The following RCAN3 variants were observed in gnomAD, a reference collection of about 807,000 sequenced individuals.
RCAN3 encodes the protein regulator of calcineurin 3, also known as calcipressin-3.
RCAN3 carries 19 observed loss-of-function variants against 21.9 expected under a neutral mutation model. The ratio of observed to expected loss-of-function variants is 0.87; its 90% confidence interval spans 0.61 to 1.27. RCAN3 has a LOEUF of 1.27. Ranked by LOEUF, RCAN3 falls within the 50% of genes most tolerant of loss-of-function variation. The probability of loss-of-function intolerance (pLI) is 0.00; values close to 1 mark genes in which losing one functional copy is unlikely to be tolerated. For synonymous variants in RCAN3, 114 were observed against 112.3 expected, an observed-to-expected ratio of 1.01 and a Z score of -0.09; for missense variants, 240 against 300.1, an observed-to-expected ratio of 0.80 and a Z score of 1.48.
chr1:24,524,997 CAT>C (rs1491268347), intron 2 of RCAN3, among the ~76,000 whole-genome samples: 1 of 151,864 alleles, frequency 6.6e-6, no homozygotes, highest in Non-Finnish European at 1.5e-5. Flanking sequence ...GTGGGCTCCT[CAT>C]TTTTTTTTCA....
chr1:24,515,946 C>T (rs1302988443), intron 2 of RCAN3, among the ~76,000 whole-genome samples: 3 of 152,060 alleles, frequency 2.0e-5, no homozygotes, highest in Non-Finnish European at 4.4e-5. Context: ...AGTTCCAGAC[C>T]AGCCTGACCA....
At chr1:24,507,320 G>A (rs1320076431) in intron 1 of RCAN3, among the ~76,000 whole-genome samples, 1 of 152,134 alleles carries the variant, frequency 6.6e-6, no homozygotes, top group Non-Finnish European at 1.5e-5. Context: ...TTTTCCTCCT[G>A]AAATTCTGTT....
chr1:24,514,842 G>A (rs1023340627), intron 2 of RCAN3, among the ~76,000 whole-genome samples: 5 of 151,824 alleles, frequency 3.3e-5, no homozygotes, highest in African/African-American at 7.3e-5. Context: ...GGTGGTGCGC[G>A]CCTGTAATCC....
chr1:24,535,435 G>T lies in RCAN3; in HGVS notation c.*158G>T. The T allele has an allele frequency of 1.5e-6, 1 of 661,304 alleles. No individual in the cohort carries two copies. The highest frequency in any genetic ancestry group is 2.2e-6 in the Non-Finnish European group (1 of 449,278). 41.0% of individuals were successfully genotyped at this position (661,304 alleles called of 1,614,324 possible). A position where few individuals can be genotyped will look rare whatever the true frequency, so the allele number is the denominator to read the frequency against. On this transcript the variant is annotated 3_prime_UTR_variant, in exon 5 of 5. Coordinates refer to ENST00000374395, the MANE Select transcript of RCAN3 (RefSeq NM_013441.4). ...CCTGTACTGCAGACACGGTCGTGTA[G>T]AGTAGCAGCTGATTTGACCTGTCCC...
rs182311707 is a variant in RCAN3 at position 24,510,097 on chromosome 1, A to G, written c.-59-4217A>G. ...CTTAAAACGTACAGTAAACCATGCT[A>G]TAAACAGATGTGCGGTCATCCAGGC... is the stretch of plus-strand genomic sequence containing the variant. On this transcript the variant is annotated intron_variant, in intron 1 of 4. Coordinates refer to ENST00000374395, the MANE Select transcript of RCAN3 (RefSeq NM_013441.4). Among the ~76,000 whole-genome samples the G allele has an allele frequency of 3.2e-3, 489 of 152,338 alleles. 2 individuals carry two copies. Among genetic ancestry groups the G allele is most frequent in the Non-Finnish European group, 1.9e-3 (131 of 68,032 alleles).
At chr1:24,531,174 T>G (rs143607340) in intron 2 of RCAN3, 44 bp from the exon 3 acceptor site, 3 of 1,352,862 alleles carry the variant, frequency 2.2e-6, no homozygotes, top group Admixed American at 5.1e-5. Context: ...TTTCTTTTTT[T>G]TTTTTCCTCC....
Position 24,505,443 on chromosome 1 carries a change from G to A in RCAN3, c.-60+2293G>A, listed in dbSNP as rs72652588. Among the ~76,000 whole-genome samples the A allele has an allele frequency of 4.2e-3, 640 of 151,674 alleles. 3 individuals carry two copies. The highest frequency in any genetic ancestry group is 0.015 in the South Asian group (74 of 4,796). On this transcript the variant is annotated intron_variant, in intron 1 of 4. Coordinates refer to ENST00000374395, the MANE Select transcript of RCAN3 (RefSeq NM_013441.4). The stretch of plus-strand genomic sequence containing the variant: ...TTTCCATGTTGCCCGGGCTGGTCTC[G>A]AACTCTGGAGCTCTGGCAGCCCGCC...
At chr1:24,510,331 A>G (rs184991152) in intron 1 of RCAN3, among the ~76,000 whole-genome samples, 50 of 152,348 alleles carry the variant, frequency 3.3e-4, no homozygotes, top group African/African-American at 1.0e-3. Context: ...TCTTCTTCCA[A>G]TAGAAGGCTA....
chr1:24,517,521 G>T, intron 2 of RCAN3, among the ~76,000 whole-genome samples: 1 of 152,288 alleles, frequency 6.6e-6, no homozygotes, highest in African/African-American at 2.4e-5. Flanking sequence ...ACCATTTGGG[G>T]ATTATATCTA....
At chr1:24,520,886 A>G (rs1648748708) in intron 2 of RCAN3, among the ~76,000 whole-genome samples, 1 of 152,178 alleles carries the variant, frequency 6.6e-6, no homozygotes, top group Non-Finnish European at 1.5e-5. Flanking sequence ...AGTACTACCT[A>G]AAGTGCTCTA....
intron 2 of RCAN3, among the ~76,000 whole-genome samples, chr1:24,522,287 G>A (rs1372288305): frequency 2.0e-5 from 3 of 152,136 alleles, no homozygotes; most frequent in East Asian, 1.9e-4. Context: ...CTGTGTGCAG[G>A]TGTGACCTCA....
rs1158077089 is a variant in RCAN3 at position 24,536,437 on chromosome 1, T to G, written c.*1160T>G. The G allele has an allele frequency of 6.6e-6, 1 of 152,230 alleles. No individual in the cohort carries two copies. Among genetic ancestry groups the G allele is most frequent in the African/African-American group, 2.4e-5 (1 of 41,458 alleles). 9.4% of individuals were successfully genotyped at this position (152,230 alleles called of 1,614,324 possible). Reference sequence around the variant, plus strand: ...TCCTAAAACAGAATTGTTTCCCACTTAGGTGTCAGAATGTACCTTTGAACT... The same window carrying G: ...TCCTAAAACAGAATTGTTTCCCACTGAGGTGTCAGAATGTACCTTTGAACT... On this transcript the variant is annotated 3_prime_UTR_variant, in exon 5 of 5. Coordinates refer to ENST00000374395, the MANE Select transcript of RCAN3 (RefSeq NM_013441.4).
Position 24,530,054 on chromosome 1 carries a change from C to G in RCAN3, c.196-1164C>G, listed in dbSNP as rs114396931. ...CTGGTGGAGAACAGCTGAAACAGTA[C>G]TTAGAAATGGATGTCTTGCTGGGTG... On this transcript the variant is annotated intron_variant, in intron 2 of 4. Coordinates refer to ENST00000374395, the MANE Select transcript of RCAN3 (RefSeq NM_013441.4). Among the ~76,000 whole-genome samples, 297 of 150,344 alleles carry G rather than the reference C, an allele frequency of 2.0e-3. 1 individual carries two copies. Among genetic ancestry groups the G allele is most frequent in the African/African-American group, 7.1e-3 (291 of 40,878 alleles).
rs1351287782 is a variant in RCAN3, at chr1:24,537,875, G to A, written c.*2598G>A. On this transcript the variant is annotated 3_prime_UTR_variant, in exon 5 of 5. Transcript: ENST00000374395. ...GATCACGCCATCGCACTCCAGCCTC[G>A]GCAACAAGAGCGAAACTCCGTCTCA... The A allele has an allele frequency of 2.0e-5, 3 of 151,772 alleles. No individual in the cohort carries two copies. The highest frequency in any genetic ancestry group is 4.4e-5 in the Non-Finnish European group (3 of 68,088). The allele number at this position is 151,772 out of a possible 1,614,324, so 9.4% of individuals were successfully genotyped here. A position where few individuals can be genotyped will look rare whatever the true frequency, so the allele number is the denominator to read the frequency against.
At chr1:24,511,267 A>G (rs1168279244) in intron 1 of RCAN3, among the ~76,000 whole-genome samples, 1 of 152,086 alleles carries the variant, frequency 6.6e-6, no homozygotes, top group Non-Finnish European at 1.5e-5. Flanking sequence ...GAGCCAAGAT[A>G]GCACCACTGC....
At chr1:24,516,275 G>A (rs536778165) in intron 2 of RCAN3, among the ~76,000 whole-genome samples, 1 of 152,040 alleles carries the variant, frequency 6.6e-6, no homozygotes, top group Non-Finnish European at 1.5e-5. Context: ...GACCAGCCTG[G>A]GCAATATAGC....
chr1:24,530,356 CA>C (rs56914359), intron 2 of RCAN3, among the ~76,000 whole-genome samples: 4,326 of 81,176 alleles, frequency 0.053, 121 homozygotes, highest in African/African-American at 0.19. Context: ...CTCTTATCTC[CA>C]AAAAAAAAAA....
intron 2 of RCAN3, among the ~76,000 whole-genome samples, chr1:24,517,183 C>T (rs930047669): frequency 2.0e-4 from 31 of 151,456 alleles, no homozygotes; most frequent in Non-Finnish European, 2.5e-4. Context: ...GGCGCAGTCT[C>T]GGCTCACTGC....
intron 2 of RCAN3, among the ~76,000 whole-genome samples, chr1:24,522,870 A>G (rs748107389): frequency 6.6e-6 from 1 of 152,192 alleles, no homozygotes; most frequent in African/African-American, 2.4e-5. Context: ...AGCAAATAAA[A>G]TTTTACTAAT....
Sources: allele counts gnomAD v4.1 joint callset (sites outside exome capture counted in the v4.1 genomes callset), GRCh38; gene constraint gnomAD v4.1.1; transcripts MANE v1.5; gene names NCBI Gene and HGNC (gene_info 2026-07-23, HGNC 2026-07-21).